The following COL26A1 variants were observed in gnomAD, a reference collection of about 807,000 sequenced individuals.
COL26A1 encodes the protein collagen type XXVI alpha 1 chain.
A neutral mutation model predicts 59.3 loss-of-function variants in COL26A1; 41 were observed. The ratio of observed to expected loss-of-function variants is 0.69; its 90% CI spans 0.54 to 0.90. The LOEUF (loss-of-function observed/expected upper bound fraction) is 0.90, where lower values mean the gene tolerates loss of function less well. COL26A1 is among the 40% of genes least tolerant of loss of function. The pLI is 0.00. For synonymous variants in COL26A1, 266 were observed against 256.0 expected (o/e 1.04, Z -0.37); for missense variants, 612 against 602.3 (o/e 1.02, Z -0.17).
At chr7:101,544,323 G>A (rs548571859) in intron 6 of COL26A1, among the ~76,000 whole-genome samples, 1 of 152,196 alleles carries the variant, frequency 6.6e-6, no homozygotes, top group African/African-American at 2.4e-5. Flanking sequence ...TGCCTCCCGG[G>A]TTCAAGCAAT....
At chr7:101,370,424 G>C (rs1791162881) in intron 1 of COL26A1, among the ~76,000 whole-genome samples, 1 of 152,102 alleles carries the variant, frequency 6.6e-6, no homozygotes, top group Non-Finnish European at 1.5e-5. Flanking sequence ...AGGCTGGAGT[G>C]CAGTGGCACG....
At chr7:101,518,200 G>T (rs771020105) in intron 3 of COL26A1, among the ~76,000 whole-genome samples, 38 of 152,122 alleles carry the variant, frequency 2.5e-4, no homozygotes, top group Non-Finnish European at 3.8e-4. Context: ...CTGTATTTTT[G>T]GGAATTTGTC....
intron 3 of COL26A1, among the ~76,000 whole-genome samples, chr7:101,493,820 C>G (rs1317416221): frequency 2.7e-5 from 4 of 148,104 alleles, no homozygotes; most frequent in Non-Finnish European, 4.4e-5. Context: ...GTAGTCCCAG[C>G]TACTTGGGAG....
intron 2 of COL26A1, among the ~76,000 whole-genome samples, chr7:101,423,908 AAT>A (rs1307445660): frequency 1.3e-5 from 2 of 152,152 alleles, no homozygotes; most frequent in African/African-American, 4.8e-5. Context: ...GAACCTTGCT[AAT>A]TAAAACAATT....
At chr7:101,522,050 T>C (rs1383445546) in intron 3 of COL26A1, among the ~76,000 whole-genome samples, 1 of 152,210 alleles carries the variant, frequency 6.6e-6, no homozygotes, top group African/African-American at 2.4e-5. Context: ...TTTTGGGTTA[T>C]TCTGAGCAAT....
intron 3 of COL26A1, among the ~76,000 whole-genome samples, chr7:101,519,265 T>C (rs1795091537): frequency 6.6e-6 from 1 of 152,186 alleles, no homozygotes; most frequent in African/African-American, 2.4e-5. Context: ...CACTGACTCC[T>C]GAGGTTTCCA....
At chr7:101,407,081 G>C (rs1356888081) in intron 1 of COL26A1, among the ~76,000 whole-genome samples, 1 of 152,118 alleles carries the variant, frequency 6.6e-6, no homozygotes, top group Non-Finnish European at 1.5e-5. Context: ...TGGGTATCCT[G>C]CTCGCCCCTT....
At chr7:101,512,701 G>A (rs1295790137) in intron 3 of COL26A1, among the ~76,000 whole-genome samples, 3 of 152,202 alleles carry the variant, frequency 2.0e-5, no homozygotes, top group Non-Finnish European at 2.9e-5. Flanking sequence ...TTCAGTTGGA[G>A]CTATAAATGA....
intron 2 of COL26A1, among the ~76,000 whole-genome samples, chr7:101,429,994 T>C (rs1279401642): frequency 6.6e-6 from 1 of 152,188 alleles, no homozygotes; most frequent in African/African-American, 2.4e-5. Flanking sequence ...TGGGATTTTT[T>C]AAAATAGGAA....
intron 3 of COL26A1, among the ~76,000 whole-genome samples, chr7:101,526,752 TGA>T (rs1795255621): frequency 6.6e-6 from 1 of 151,966 alleles, no homozygotes; most frequent in Non-Finnish European, 1.5e-5. Flanking sequence ...AGCCCGGAAG[TGA>T]GAGGCCGAGG....
chr7:101,543,946 T>G, intron 5 of COL26A1, 52 bp from the exon 6 acceptor site: 1 of 1,365,022 alleles, frequency 7.3e-7, no homozygotes, highest in East Asian at 2.5e-5. Context: ...CTGGAGCCAC[T>G]GGAGGCTGGG....
chr7:101,408,301 C>T (rs1792173844), intron 1 of COL26A1, among the ~76,000 whole-genome samples: 1 of 152,164 alleles, frequency 6.6e-6, no homozygotes, highest in Admixed American at 6.5e-5. Flanking sequence ...TGCCCCAGAC[C>T]CCATGAGGCT....
intron 5 of COL26A1, among the ~76,000 whole-genome samples, chr7:101,543,176 T>TTC (rs1795654548): frequency 1.5e-5 from 1 of 65,618 alleles, no homozygotes; most frequent in Non-Finnish European, 3.4e-5. Context: ...TCAGCAAACT[T>TTC]TTTTTTTTTT....
chr7:101,522,176 AC>A, intron 3 of COL26A1, among the ~76,000 whole-genome samples: 1 of 151,652 alleles, frequency 6.6e-6, no homozygotes. Flanking sequence ...CCTCCCTCAC[AC>A]CCGCATTGGT....
At chr7:101,393,287 G>A (rs1020809274) in intron 1 of COL26A1, among the ~76,000 whole-genome samples, 1 of 152,112 alleles carries the variant, frequency 6.6e-6, no homozygotes, top group Non-Finnish European at 1.5e-5. Context: ...GAATTAACAC[G>A]ATCACAAGGT....
At chr7:101,498,971 A>G (rs1370494475) in intron 3 of COL26A1, among the ~76,000 whole-genome samples, 1 of 152,206 alleles carries the variant, frequency 6.6e-6, no homozygotes, top group Admixed American at 6.5e-5. Flanking sequence ...GAAAGTTTTG[A>G]CAAAGAGATT....
chr7:101,443,686 A>G (rs1015787643), intron 2 of COL26A1, among the ~76,000 whole-genome samples: 4 of 152,144 alleles, frequency 2.6e-5, no homozygotes, highest in Non-Finnish European at 5.9e-5. Context: ...TTGGTCATGC[A>G]TTTTATATTC....
At chr7:101,427,928 C>A (rs1173749760) in intron 2 of COL26A1, among the ~76,000 whole-genome samples, 1 of 152,158 alleles carries the variant, frequency 6.6e-6, no homozygotes, top group African/African-American at 2.4e-5. Flanking sequence ...GAGTCTGCTC[C>A]TCATGGTGTG....
intron 3 of COL26A1, among the ~76,000 whole-genome samples, chr7:101,481,444 CAA>C (rs1491416338): frequency 1.7e-5 from 2 of 117,092 alleles, no homozygotes; most frequent in Non-Finnish European, 1.8e-5. Flanking sequence ...TAGAATCTCC[CAA>C]AATATATATA....
Sources: gnomAD v4.1 joint callset for allele counts (sites outside exome capture counted in the v4.1 genomes callset) on GRCh38, gnomAD v4.1.1 for gene constraint, MANE v1.5 for transcripts, NCBI Gene and HGNC (gene_info 2026-07-23, HGNC 2026-07-21) for gene names.